The following SLC28A3 variants were observed in gnomAD, a reference collection of about 807,000 sequenced individuals.
SLC28A3 encodes solute carrier family 28 member 3.
Under a neutral mutation model 84.2 loss-of-function variants are expected in SLC28A3, and 68 were observed. The ratio of observed to expected loss-of-function variants is 0.81; its 90% CI spans 0.66 to 0.99. SLC28A3 has a LOEUF of 0.99. Ranked by LOEUF, SLC28A3 falls within the 50% of genes least tolerant of loss-of-function variation. SLC28A3 has a pLI of 0.00. For missense variants in SLC28A3, 712 were observed against 841.5 expected (o/e 0.85, Z 1.90); for synonymous variants, 267 against 303.6 (o/e 0.88, Z 1.25).
intron 1 of SLC28A3, among the ~76,000 whole-genome samples, chr9:84,321,749 A>G (rs1234757617): frequency 2.7e-5 from 4 of 150,108 alleles, no homozygotes; most frequent in Non-Finnish European, 4.4e-5. Flanking sequence ...AAAAAAAAAA[A>G]AAAAAAGAAA....
intron 1 of SLC28A3, among the ~76,000 whole-genome samples, chr9:84,328,344 A>C (rs1388863738): frequency 6.6e-6 from 1 of 151,960 alleles, no homozygotes; most frequent in African/African-American, 2.4e-5. Flanking sequence ...AAAAAAAAAA[A>C]AACATGATCT....
intron 1 of SLC28A3, among the ~76,000 whole-genome samples, chr9:84,322,734 A>G (rs1238435945): frequency 1.3e-5 from 2 of 152,140 alleles, no homozygotes; most frequent in African/African-American, 2.4e-5. Flanking sequence ...AATCCCAGCT[A>G]CTTGGGAGAC....
chr9:84,348,168 T>A, the SLC28A3 span, among the ~76,000 whole-genome samples: 7 of 151,972 alleles, frequency 4.6e-5, no homozygotes, highest in African/African-American at 1.7e-4. Flanking sequence ...TGGGCTTGTT[T>A]TAGATGAGTA....
chr9:84,337,101 T>C (rs1827001554), intron 1 of SLC28A3, among the ~76,000 whole-genome samples: 1 of 152,150 alleles, frequency 6.6e-6, no homozygotes, highest in Non-Finnish European at 1.5e-5. Flanking sequence ...AGACCAGCCC[T>C]GGTAAGATAG....
At chr9:84,331,437 C>A (rs899069063) in intron 1 of SLC28A3, among the ~76,000 whole-genome samples, 2 of 152,204 alleles carry the variant, frequency 1.3e-5, no homozygotes, top group African/African-American at 4.8e-5. Context: ...AAGAAGTCTA[C>A]ACCTGTACTC....
the SLC28A3 span, among the ~76,000 whole-genome samples, chr9:84,350,759 T>A: frequency 6.6e-6 from 1 of 152,344 alleles, no homozygotes; most frequent in African/African-American, 2.4e-5. Context: ...TCACCCAGGC[T>A]GGAGCACAGT....
Position 84,278,025 on chromosome 9 carries a change from TGGTGGGGAG to T in SLC28A3, c.*184_*192del, listed in dbSNP as rs1824585590. 3 of 633,984 alleles carry T rather than the reference TGGTGGGGAG, an allele frequency of 4.7e-6. No individual in the cohort carries two copies. The highest frequency in any genetic ancestry group is 5.0e-5 in the South Asian group (2 of 39,964). 39.3% of individuals were successfully genotyped at this position (633,984 alleles called of 1,614,324 possible). ...TAGCAGTTCTTGGTGGGGAAGGGGCTGGTGGGGAGGGAGGGGAGGAGGAAAATGTTGTAG... is the reference window on the plus strand; with the variant it reads ...TAGCAGTTCTTGGTGGGGAAGGGGCTGGAGGGGAGGAGGAAAATGTTGTAG... On this transcript the variant is annotated 3_prime_UTR_variant, in exon 18 of 18. Transcript: ENST00000376238.
rs548979620 is a variant in SLC28A3 at position 84,325,589 on chromosome 9, A to G, written c.61-12135T>C. On this transcript the variant is annotated intron_variant, in intron 1 of 17. Transcript: ENST00000376238. ...GCTTTCTGTTTCCAGCTCCTAGCAT[A>G]ATGCCTGGCACAATGTCAATAAATT... 7.2e-5 allele frequency among the ~76,000 whole-genome samples: 11 copies of G among 152,372 alleles called. 1 individual carries two copies. In the South Asian group the frequency reaches 2.3e-3, roughly 32 times the overall value.
intron 9 of SLC28A3, among the ~76,000 whole-genome samples, chr9:84,293,672 C>CTG (rs886655179): frequency 2.0e-5 from 3 of 151,980 alleles, no homozygotes; most frequent in Non-Finnish European, 4.4e-5. Context: ...AACTCTTCAG[C>CTG]TGTGTGTGTG....
In SLC28A3 at chr9:84,278,167, C is replaced by G. The variant is rs755580183; in HGVS notation, c.*51G>C. On this transcript the variant is annotated 3_prime_UTR_variant, in exon 18 of 18. Coordinates refer to ENST00000376238, the MANE Select transcript of SLC28A3 (RefSeq NM_001199633.2). ...GCTTCTTTTTTTTTTCTTTCCAAAG[C>G]AGAAAATTCAGCATCTGTACTTCAG... The G allele has an allele frequency of 1.3e-6, 2 of 1,556,192 alleles. No individual in the cohort carries two copies. The highest frequency in any genetic ancestry group is 1.7e-6 in the Non-Finnish European group (2 of 1,150,352).
the SLC28A3 span, among the ~76,000 whole-genome samples, chr9:84,349,804 T>C: frequency 6.6e-6 from 1 of 152,208 alleles, no homozygotes; most frequent in Non-Finnish European, 1.5e-5. Flanking sequence ...ACATGCAACT[T>C]ATGGATAAAC....
At chr9:84,341,017 A>G (rs1360955239), upstream of SLC28A3, among the ~76,000 whole-genome samples, 3 of 150,994 alleles carry the variant, frequency 2.0e-5, no homozygotes, top group African/African-American at 7.3e-5. Flanking sequence ...AAAAAAAAAA[A>G]GGCTGGAGTG....
At chr9:84,337,616 A>T (rs562600925) in intron 1 of SLC28A3, among the ~76,000 whole-genome samples, 1 of 152,194 alleles carries the variant, frequency 6.6e-6, no homozygotes, top group East Asian at 1.9e-4. Flanking sequence ...TAAAATAAGA[A>T]ATCCTTAGAT....
chr9:84,330,404 C>A (rs1826734348), intron 1 of SLC28A3, among the ~76,000 whole-genome samples: 1 of 152,112 alleles, frequency 6.6e-6, no homozygotes, highest in Non-Finnish European at 1.5e-5. Context: ...GGAAGGATAA[C>A]CAGATCTGTG....
At chr9:84,360,163 T>G in the SLC28A3 span, among the ~76,000 whole-genome samples, 1 of 152,022 alleles carries the variant, frequency 6.6e-6, no homozygotes, top group South Asian at 2.1e-4. Flanking sequence ...CCTTAAGGCA[T>G]TTGTGTTCTA....
At chr9:84,297,843 T>G in intron 7 of SLC28A3, 63 bp downstream of exon 7, 2 of 1,370,198 alleles carry the variant, frequency 1.5e-6, no homozygotes, top group Non-Finnish European at 2.0e-6. Context: ...TGACACGTCT[T>G]GAGGATTACC....
At position 84,279,246 on chromosome 9, in the gene SLC28A3, A is replaced by G; in HGVS notation, c.1949+19T>C. On this transcript the variant is annotated intron_variant, in intron 17 of 17. Coordinates refer to ENST00000376238, the MANE Select transcript of SLC28A3 (RefSeq NM_001199633.2). The stretch of plus-strand genomic sequence containing the variant: ...ATTATTAATGGAGTATAAAGAAATT[A>G]TAATCAAGAATACAATACCTGCTCA... The G allele has an allele frequency of 6.3e-7, 1 of 1,590,610 alleles. No individual in the cohort carries two copies. Among genetic ancestry groups the G allele is most frequent in the African/African-American group, 1.4e-5 (1 of 73,448 alleles).
At chr9:84,321,621 C>T (rs11793090) in intron 1 of SLC28A3, among the ~76,000 whole-genome samples, 9,016 of 150,728 alleles carry the variant, frequency 0.06, 286 homozygotes, top group Middle Eastern at 0.082. Flanking sequence ...GTAGTCCCAG[C>T]TACTCAGGAG....
At chr9:84,313,924 CT>C (rs1245050926) in intron 1 of SLC28A3, among the ~76,000 whole-genome samples, 2 of 151,108 alleles carry the variant, frequency 1.3e-5, no homozygotes, top group Admixed American at 1.3e-4. Flanking sequence ...ATGACTTTTG[CT>C]TTGTTTTGTT....
Sources: gnomAD v4.1 joint callset for allele counts (sites outside exome capture counted in the v4.1 genomes callset) on GRCh38, gnomAD v4.1.1 for gene constraint, MANE v1.5 for transcripts, NCBI Gene and HGNC (gene_info 2026-07-23, HGNC 2026-07-21) for gene names.